The following OGG1 variants were observed in gnomAD, a reference collection of about 807,000 sequenced individuals.
OGG1 encodes N-glycosylase/DNA lyase.
In OGG1, 35 loss-of-function variants were observed where a neutral mutation model predicts 42.3. The ratio of observed to expected loss-of-function variants is 0.83; its 90% confidence interval spans 0.63 to 1.10. OGG1 has a LOEUF of 1.10. OGG1 is among the 50% of genes least tolerant of loss of function. The pLI is 0.00. For missense variants in OGG1, 484 were observed against 446.7 expected, an observed-to-expected ratio of 1.08 and a Z score of -0.75; for synonymous variants, 189 against 179.0, an observed-to-expected ratio of 1.06 and a Z score of -0.44.
chr3:9,756,061 A>G (rs2125551947), intron 4 of OGG1, among the ~76,000 whole-genome samples: 1 of 152,196 alleles, frequency 6.6e-6, no homozygotes, highest in Non-Finnish European at 1.5e-5. Flanking sequence ...TCACGCCTGT[A>G]ATCCCAGCAC....
intron 3 of OGG1, chr3:9,786,945 T>A: frequency 7.0e-7 from 1 of 1,434,864 alleles, no homozygotes; most frequent in Non-Finnish European, 9.7e-7. Flanking sequence ...CGATAAAAAA[T>A]AAGCATAACA....
Position 9,764,617 on chromosome 3 carries a change from G to GT in OGG1, c.1049-1182dup, listed in dbSNP as rs202012854. 6.5e-4 allele frequency among the ~76,000 whole-genome samples: 61 copies of GT among 93,444 alleles called. 1 individual carries two copies. Among genetic ancestry groups the GT allele is most frequent in the East Asian group, 3.9e-3 (8 of 2,030 alleles). 61.3% of individuals were successfully genotyped at this position (93,444 alleles called of 152,430 possible). On this transcript the variant is annotated intron_variant, in intron 7 of 7. Transcript: ENST00000302008. Reference sequence around the variant, plus strand: ...GTGAGCCACTGCGCCTGGCGTTTTTGTTTTTTTTTTGTTTTTTTTTTTTTT... The same window carrying GT: ...GTGAGCCACTGCGCCTGGCGTTTTTGTTTTTTTTTTTGTTTTTTTTTTTTTT...
intron 3 of OGG1, chr3:9,787,575 TC>T: frequency 9.8e-7 from 1 of 1,023,960 alleles, no homozygotes; most frequent in Non-Finnish European, 1.4e-6. Flanking sequence ...CTGAAATAAT[TC>T]CCAAGATAGA....
chr3:9,773,491 A>G (rs1426874524), intron 2 of OGG1, among the ~76,000 whole-genome samples: 3 of 152,100 alleles, frequency 2.0e-5, no homozygotes, highest in African/African-American at 7.2e-5. Flanking sequence ...CAGTGAGCAG[A>G]GACCACGCGC....
In OGG1 at chr3:9,751,185, A is replaced by G; in HGVS notation, c.378A>G (p.Lys126=). ...VDSHFQEVAQ[K]FQGVRLLRQD... is the part of the protein sequence containing the mutation. The stretch of plus-strand genomic sequence containing the variant: ...CCCACTTCCAAGAGGTGGCTCAGAA[A>G]TTCCAAGGTGAGTACAGGACCTGGG... The change falls in exon 2 of 7, where the codon AAA becomes AAG. Residue 126 remains lysine, a synonymous_variant. Coordinates refer to ENST00000344629, the MANE Select transcript of OGG1 (RefSeq NM_002542.6). 6.2e-7 allele frequency: 1 copy of G among 1,613,982 alleles called. No individual in the cohort carries two copies. Among genetic ancestry groups the G allele is most frequent in the Admixed American group, 1.7e-5 (1 of 60,008 alleles).
At chr3:9,763,157 A>G in intron 7 of OGG1, 1 of 1,614,096 alleles carries the variant, frequency 6.2e-7, no homozygotes, top group African/African-American at 1.3e-5. Context: ...GATGAGGTAG[A>G]GGTGGCCCCC....
chr3:9,781,546 C>T (rs915761244), exon 3 of OGG1: 3 of 456,514 alleles, frequency 6.6e-6, no homozygotes, highest in East Asian at 1.4e-4. Context: ...CTGCTTACGT[C>T]GGCATCTGCA....
downstream of OGG1, chr3:9,759,245 T>A (rs767135568): frequency 3.7e-6 from 6 of 1,614,184 alleles, no homozygotes; most frequent in Non-Finnish European, 5.1e-6. Context: ...CTGGATCAGA[T>A]GCCTCCTGAA....
chr3:9,790,097 A>T (rs1378022707), downstream of OGG1: 35 of 1,118,814 alleles, frequency 3.1e-5, no homozygotes, highest in Non-Finnish European at 3.9e-5. Flanking sequence ...TACCTAGTAA[A>T]CTCTTACTCA....
At chr3:9,776,388 CTTT>C (rs57504240) in intron 2 of OGG1, among the ~76,000 whole-genome samples, 1,334 of 121,076 alleles carry the variant, frequency 0.011, 8 homozygotes, top group African/African-American at 0.039. Flanking sequence ...TTTTTCTTTT[CTTT>C]TTTTTTTTTT....
At chr3:9,781,302 CACACACACAA>C (rs1235993216) in intron 2 of OGG1, among the ~76,000 whole-genome samples, 2 of 151,836 alleles carry the variant, frequency 1.3e-5, no homozygotes, top group Admixed American at 6.6e-5. Context: ...TATATACATA[CACACACACAA>C]ACACACACAC....
chr3:9,790,576 C>G (rs1417997293), downstream of OGG1, among the ~76,000 whole-genome samples: 1 of 152,204 alleles, frequency 6.6e-6, no homozygotes, highest in Non-Finnish European at 1.5e-5. Flanking sequence ...CTCTATTTTG[C>G]AGAATACAGC....
chr3:9,770,984 C>CTCTTTCTT (rs111823516), downstream of OGG1, among the ~76,000 whole-genome samples: 1 of 151,860 alleles, frequency 6.6e-6, no homozygotes, highest in Non-Finnish European at 1.5e-5. Context: ...TTTCCTTTTT[C>CTCTTTCTT]TCTTTCTTTC....
rs1224544811 is a variant in OGG1, at chr3:9,751,793, C to A, written c.409C>A (p.Pro137Thr). 1 of 1,614,058 alleles carries A rather than the reference C, an allele frequency of 6.2e-7. No homozygotes were observed. Among genetic ancestry groups the A allele is most frequent in the Non-Finnish European group, 8.5e-7 (1 of 1,180,052 alleles). The change falls in exon 3 of 7, where the codon CCC becomes ACC. Residue 137 changes from proline (P) to threonine (T), a missense_variant. Physicochemically the swap from Pro to Thr is conservative, Grantham distance 38 (BLOSUM62 -1). Transcript: ENST00000344629. ...AGGTGTGCGACTGCTGCGACAAGAC[C>A]CCATCGAATGCCTTTTCTCTTTTAT... is the stretch of plus-strand genomic sequence containing the variant. Reference protein sequence around the residue: ...FQGVRLLRQDPIECLFSFICS... With the variant: ...FQGVRLLRQDTIECLFSFICS...
chr3:9,756,851 C>T (rs2077591001), intron 6 of OGG1, 35 bp downstream of exon 6: 1 of 1,613,032 alleles, frequency 6.2e-7, no homozygotes. Context: ...TAGGTTTCCT[C>T]TCCTCCAGCC....
At chr3:9,786,496 T>A (rs940441752) in intron 3 of OGG1, among the ~76,000 whole-genome samples, 2 of 152,146 alleles carry the variant, frequency 1.3e-5, no homozygotes, top group African/African-American at 4.8e-5. Flanking sequence ...CCAGCAGGTA[T>A]AAAGACAGGG....
downstream of OGG1, chr3:9,790,109 C>T: frequency 9.3e-7 from 1 of 1,070,530 alleles, no homozygotes; most frequent in Non-Finnish European, 1.3e-6. Flanking sequence ...TCTTACTCAT[C>T]CTTCAAAATT....
chr3:9,770,832 G>A (rs935190328), downstream of OGG1, among the ~76,000 whole-genome samples: 1 of 151,774 alleles, frequency 6.6e-6, no homozygotes, highest in African/African-American at 2.4e-5. Context: ...TGGGGATGGG[G>A]CTGAACTGGG....
At chr3:9,757,964 T>C, downstream of OGG1, 1 of 1,474,714 alleles carries the variant, frequency 6.8e-7, no homozygotes, top group Non-Finnish European at 9.0e-7. The surrounding 1 kb of genome is among the most constrained non-coding windows in gnomAD (Gnocchi z 4.5). Flanking sequence ...CAGGAGTTAT[T>C]TTATTAATTC....
Sources: allele counts gnomAD v4.1 joint callset (sites outside exome capture counted in the v4.1 genomes callset), GRCh38; gene constraint gnomAD v4.1.1; non-coding constraint Gnocchi (gnomAD v3.1); transcripts MANE v1.5; gene names NCBI Gene and HGNC (gene_info 2026-07-23, HGNC 2026-07-21).